The following NUBPL variants were observed in gnomAD, a reference collection of about 807,000 sequenced individuals.
NUBPL encodes the protein iron-sulfur cluster transfer protein NUBPL.
In NUBPL, 31 loss-of-function variants were observed where a neutral mutation model predicts 45.7. That is an observed-to-expected ratio of 0.68 (90% CI 0.51 to 0.92). The LOEUF (loss-of-function observed/expected upper bound fraction) is 0.92, where lower values mean the gene tolerates loss of function less well. Among genes scored for constraint, NUBPL ranks in the 40% least tolerant of loss-of-function variants. NUBPL has a pLI of 0.00. For missense variants in NUBPL, 401 were observed against 398.7 expected (o/e 1.01, Z -0.05); for synonymous variants, 144 against 140.9 (o/e 1.02, Z -0.15).
chr14:31,661,572 C>T (rs369401912), intron 4 of NUBPL, among the ~76,000 whole-genome samples: 3 of 152,186 alleles, frequency 2.0e-5, no homozygotes, highest in African/African-American at 4.8e-5. Context: ...GACGGAGTCT[C>T]GCACTGTCAC....
At position 31,747,227 on chromosome 14, in the gene NUBPL, C is replaced by T. The variant is rs374112859; in HGVS notation, c.514-40553C>T. Among the ~76,000 whole-genome samples the T allele has an allele frequency of 6.0e-5, 9 of 150,754 alleles. No homozygotes were observed. The East Asian group carries it at 7.9e-4, about 13-fold the overall frequency. On this transcript the variant is annotated intron_variant, in intron 6 of 10. Coordinates refer to ENST00000281081, the MANE Select transcript of NUBPL (RefSeq NM_025152.3). ...CTTGGCTTACTGCAAACTCTGCCTC[C>T]TGGGTTCACGCCATTCTCCTGCCTC... is the stretch of plus-strand genomic sequence containing the variant.
intron 4 of NUBPL, among the ~76,000 whole-genome samples, chr14:31,642,963 G>A (rs1247258106): frequency 6.6e-6 from 1 of 152,052 alleles, no homozygotes; most frequent in East Asian, 1.9e-4. Context: ...ATTGTTTGCT[G>A]TTGGTGTATA....
At chr14:31,680,642 A>G (rs1304092876) in intron 6 of NUBPL, among the ~76,000 whole-genome samples, 2 of 152,216 alleles carry the variant, frequency 1.3e-5, no homozygotes, top group East Asian at 3.9e-4. Context: ...GGAACTCTAT[A>G]GGTACCAAAA....
intron 3 of NUBPL, among the ~76,000 whole-genome samples, chr14:31,571,410 G>T (rs576068898): frequency 1.3e-5 from 2 of 151,074 alleles, no homozygotes; most frequent in African/African-American, 4.8e-5. Context: ...CAGAAGGGCA[G>T]CTCAGCAGCT....
intron 6 of NUBPL, among the ~76,000 whole-genome samples, chr14:31,726,000 G>A (rs148191118): frequency 3.9e-5 from 6 of 152,152 alleles, no homozygotes; most frequent in South Asian, 2.1e-4. Flanking sequence ...GTGAGCCACC[G>A]TGCCTGGTCC....
At chr14:31,753,984 G>T (rs1472052196) in intron 6 of NUBPL, among the ~76,000 whole-genome samples, 2 of 152,054 alleles carry the variant, frequency 1.3e-5, no homozygotes, top group Non-Finnish European at 2.9e-5. Context: ...ACAAAAAATG[G>T]TAACTATGAG....
At chr14:31,789,315 G>C (rs552697075) in intron 7 of NUBPL, among the ~76,000 whole-genome samples, 27 of 866 alleles carry the variant, frequency 0.031, 1 homozygote, top group African/African-American at 0.032. Context: ...GACAGAGTGA[G>C]ACTCTTGTCT....
At chr14:31,671,622 G>A (rs763905878) in intron 4 of NUBPL, among the ~76,000 whole-genome samples, 1 of 152,168 alleles carries the variant, frequency 6.6e-6, no homozygotes, top group Non-Finnish European at 1.5e-5. Context: ...GTTATAATTG[G>A]ATGCTTTGGA....
chr14:31,561,583 A>T, intron 1 of NUBPL, 36 bp downstream of exon 1: 1 of 1,291,136 alleles, frequency 7.7e-7, no homozygotes, highest in Non-Finnish European at 1.0e-6. Context: ...AAGCGGGCTG[A>T]CAGATGCTGG....
chr14:31,756,019 G>A (rs1330252134), intron 6 of NUBPL, among the ~76,000 whole-genome samples: 1 of 152,032 alleles, frequency 6.6e-6, no homozygotes, highest in Non-Finnish European at 1.5e-5. Flanking sequence ...AGATAATGCG[G>A]CGTTATTTCT....
chr14:31,609,122 G>A (rs1291550760), intron 4 of NUBPL, among the ~76,000 whole-genome samples: 1 of 151,870 alleles, frequency 6.6e-6, no homozygotes, highest in Non-Finnish European at 1.5e-5. Flanking sequence ...ATCAAAAGAT[G>A]GAGTGGCTAA....
At chr14:31,722,545 T>C (rs113132898) in intron 6 of NUBPL, among the ~76,000 whole-genome samples, 1,612 of 152,318 alleles carry the variant, frequency 0.011, 24 homozygotes, top group African/African-American at 0.037. Context: ...TGAGCAAATT[T>C]ACACTCCCAT....
intron 6 of NUBPL, among the ~76,000 whole-genome samples, chr14:31,675,469 G>T (rs1040080803): frequency 6.6e-5 from 10 of 152,166 alleles, no homozygotes; most frequent in Admixed American, 3.9e-4. Flanking sequence ...AAATTCAGTA[G>T]CTAGATAGAA....
chr14:31,618,814 A>G (rs1165851315), intron 4 of NUBPL, among the ~76,000 whole-genome samples: 1 of 152,144 alleles, frequency 6.6e-6, no homozygotes, highest in Admixed American at 6.5e-5. Flanking sequence ...ACTTGAACTC[A>G]GAGCTGAGTT....
intron 7 of NUBPL, among the ~76,000 whole-genome samples, chr14:31,799,440 C>G (rs1203539454): frequency 6.6e-6 from 1 of 152,130 alleles, no homozygotes; most frequent in Non-Finnish European, 1.5e-5. Context: ...TAATTAGCAA[C>G]TCTTTGTATA....
chr14:31,579,377 G>A (rs921062402), intron 3 of NUBPL, among the ~76,000 whole-genome samples: 4 of 152,222 alleles, frequency 2.6e-5, no homozygotes, highest in African/African-American at 9.6e-5. Context: ...AACATTGTGT[G>A]CAGCTGAAGG....
At chr14:31,702,846 C>T (rs982068620) in intron 6 of NUBPL, among the ~76,000 whole-genome samples, 3 of 152,218 alleles carry the variant, frequency 2.0e-5, no homozygotes, top group Admixed American at 1.3e-4. Context: ...CTGTTTAGGA[C>T]TTCCATTCTC....
At chr14:31,689,666 A>G (rs2037047467) in intron 6 of NUBPL, among the ~76,000 whole-genome samples, 1 of 152,268 alleles carries the variant, frequency 6.6e-6, no homozygotes, top group South Asian at 2.1e-4. Flanking sequence ...TTTAAGTTTA[A>G]TTAGATCCGC....
intron 4 of NUBPL, among the ~76,000 whole-genome samples, chr14:31,615,905 TC>T (rs2034885931): frequency 6.6e-6 from 1 of 152,218 alleles, no homozygotes; most frequent in South Asian, 2.1e-4. Context: ...TAATTTACAC[TC>T]CTAGCAACAG....
Sources: gnomAD v4.1 joint callset for allele counts (sites outside exome capture counted in the v4.1 genomes callset) on GRCh38, gnomAD v4.1.1 for gene constraint, MANE v1.5 for transcripts, NCBI Gene and HGNC (gene_info 2026-07-23, HGNC 2026-07-21) for gene names.